The following STOM variants were observed in gnomAD, a reference collection of about 807,000 sequenced individuals.
STOM encodes the protein erythrocyte band 7 integral membrane protein.
Under a neutral mutation model 30.6 loss-of-function variants are expected in STOM, and 25 were observed. The ratio of observed to expected loss-of-function variants is 0.82; its 90% confidence interval spans 0.60 to 1.14. STOM has a LOEUF of 1.14. Among genes scored for constraint, STOM ranks in the 50% most tolerant of loss-of-function variants. STOM has a pLI of 0.00. For missense variants in STOM, 292 were observed against 365.2 expected (o/e 0.80, Z 1.63); for synonymous variants, 118 against 130.8 (o/e 0.90, Z 0.67).
intron 1 of STOM, among the ~76,000 whole-genome samples, chr9:121,364,630 AAAG>A (rs1298775270): frequency 5.9e-5 from 9 of 152,332 alleles, no homozygotes; most frequent in Non-Finnish European, 1.0e-4. Flanking sequence ...CTTAGCTCAA[AAAG>A]AATAAGGAAA....
intron 1 of STOM, among the ~76,000 whole-genome samples, chr9:121,368,458 A>G: frequency 6.6e-6 from 1 of 152,238 alleles, no homozygotes; most frequent in East Asian, 1.9e-4. Context: ...ACTATCGAAG[A>G]GGCAGTTACC....
At chr9:121,355,231 C>CAATT (rs1554830881) in intron 2 of STOM, among the ~76,000 whole-genome samples, 1 of 83,460 alleles carries the variant, frequency 1.2e-5, no homozygotes, top group African/African-American at 5.0e-5. Context: ...GACTCCGTCT[C>CAATT]AAAAAAAAAA....
At chr9:121,353,091 TA>T (rs2064353301) in intron 4 of STOM, 128 bp downstream of exon 4, 1 of 425,984 alleles carries the variant, frequency 2.3e-6, no homozygotes, top group Non-Finnish European at 3.9e-6. Context: ...AGATTCCAAT[TA>T]AAACAAACAA....
intron 6 of STOM, among the ~76,000 whole-genome samples, chr9:121,343,412 C>G (rs150558383): frequency 6.6e-6 from 1 of 152,110 alleles, no homozygotes; most frequent in Admixed American, 6.5e-5. Context: ...AGTGGAATCC[C>G]TAGCCTTCTT....
chr9:121,357,437 A>ATATATTTATT (rs1318433915), intron 1 of STOM, among the ~76,000 whole-genome samples: 1 of 91,028 alleles, frequency 1.1e-5, no homozygotes, highest in African/African-American at 4.6e-5. Context: ...ATATATATAT[A>ATATATTTATT]TATTTATTTA....
At chr9:121,355,634 A>G (rs935919210) in intron 2 of STOM, among the ~76,000 whole-genome samples, 1 of 152,230 alleles carries the variant, frequency 6.6e-6, no homozygotes, top group Non-Finnish European at 1.5e-5. Context: ...ATTTAGACAC[A>G]TAATTCATTT....
chr9:121,346,624 C>T (rs1470117679), intron 6 of STOM, among the ~76,000 whole-genome samples: 2 of 152,182 alleles, frequency 1.3e-5, no homozygotes, highest in African/African-American at 4.8e-5. Context: ...TGATAGGGCA[C>T]ATTTAATAAC....
chr9:121,359,016 C>T (rs1000287413), intron 1 of STOM, among the ~76,000 whole-genome samples: 1 of 152,146 alleles, frequency 6.6e-6, no homozygotes, highest in Non-Finnish European at 1.5e-5. Flanking sequence ...TTTTAGTTTG[C>T]TTTTGCTTTC....
chr9:121,366,301 G>C, intron 1 of STOM: 1 of 959,322 alleles, frequency 1.0e-6, no homozygotes, highest in Non-Finnish European at 1.2e-6. Context: ...CAACAAGTGT[G>C]TGTCAATAGA....
intron 6 of STOM, among the ~76,000 whole-genome samples, chr9:121,344,073 G>T (rs942225468): frequency 2.0e-5 from 3 of 152,166 alleles, no homozygotes; most frequent in African/African-American, 7.2e-5. Context: ...TCCAGGTTTT[G>T]GTTGCATAGA....
At chr9:121,369,792 C>T (rs1589302882) in intron 1 of STOM, 1 of 311,264 alleles carries the variant, frequency 3.2e-6, no homozygotes, top group African/African-American at 2.1e-5. Flanking sequence ...GTCCCCGCCT[C>T]GCTGGCTGCC....
intron 2 of STOM, among the ~76,000 whole-genome samples, chr9:121,355,536 T>C (rs2134034812): frequency 6.6e-6 from 1 of 152,280 alleles, no homozygotes; most frequent in African/African-American, 2.4e-5. Flanking sequence ...ATGTAAATAA[T>C]AGTCATATAT....
At chr9:121,349,929 T>G (rs2064324253) in intron 4 of STOM, among the ~76,000 whole-genome samples, 1 of 152,212 alleles carries the variant, frequency 6.6e-6, no homozygotes. Flanking sequence ...GGAAAATAGT[T>G]ACATCCATCA....
intron 6 of STOM, among the ~76,000 whole-genome samples, chr9:121,346,744 A>C (rs306793): frequency 0.86 from 130,330 of 152,200 alleles, 55,972 homozygotes; most frequent in East Asian, 0.99. Context: ...TCATACCAGG[A>C]AAACCTAAAC....
At chr9:121,350,094 A>T (rs953478943) in intron 4 of STOM, among the ~76,000 whole-genome samples, 9 of 152,344 alleles carry the variant, frequency 5.9e-5, no homozygotes, top group African/African-American at 2.2e-4. Context: ...TTCATCTTGG[A>T]TAATGGTGGT....
chr9:121,355,249 AAT>A (rs1401886269), intron 2 of STOM, among the ~76,000 whole-genome samples: 34 of 130,094 alleles, frequency 2.6e-4, no homozygotes, highest in African/African-American at 9.4e-4. Flanking sequence ...AAAAAAAAAA[AAT>A]AATAATAATA....
At chr9:121,345,291 A>G (rs2064279418) in intron 6 of STOM, among the ~76,000 whole-genome samples, 1 of 152,204 alleles carries the variant, frequency 6.6e-6, no homozygotes, top group African/African-American at 2.4e-5. Flanking sequence ...TGCCACCAGC[A>G]GAATATGAGA....
At chr9:121,349,374 A>G (rs759061958) in intron 4 of STOM, 51 bp from the exon 5 acceptor site, 2 of 1,516,736 alleles carry the variant, frequency 1.3e-6, no homozygotes, top group East Asian at 2.3e-5. Context: ...TTTTTTTAAC[A>G]TAACTGTAAG....
At chr9:121,360,403 G>A (rs182485154) in intron 1 of STOM, among the ~76,000 whole-genome samples, 30 of 152,156 alleles carry the variant, frequency 2.0e-4, no homozygotes, top group Admixed American at 1.8e-3. Flanking sequence ...GAGATTCCCT[G>A]AGAACGAGGA....
Sources: gnomAD v4.1 joint callset for allele counts (sites outside exome capture counted in the v4.1 genomes callset) on GRCh38, gnomAD v4.1.1 for gene constraint, MANE v1.5 for transcripts, NCBI Gene and HGNC (gene_info 2026-07-23, HGNC 2026-07-21) for gene names.